The following CERT1 variants were observed in gnomAD, a reference collection of about 807,000 sequenced individuals.
CERT1 encodes ceramide transfer protein.
In CERT1, 31 loss-of-function variants were observed where a neutral mutation model predicts 87.9. The ratio of observed to expected loss-of-function variants is 0.35; its 90% CI spans 0.27 to 0.48. The LOEUF (loss-of-function observed/expected upper bound fraction) is 0.48. Among genes scored for constraint, CERT1 ranks in the 20% least tolerant of loss-of-function variants. The pLI, the probability that CERT1 is intolerant of heterozygous loss-of-function variation, is 0.99. For synonymous variants in CERT1, 289 were observed against 250.9 expected, an observed-to-expected ratio of 1.15 and a Z score of -1.44; for missense variants, 487 against 758.0, an observed-to-expected ratio of 0.64 and a Z score of 4.20.
chr5:75,389,769 G>T, intron 11 of CERT1, 82 bp from the exon 12 acceptor site: 1 of 1,047,578 alleles, frequency 9.5e-7, no homozygotes, highest in Non-Finnish European at 1.5e-6. Flanking sequence ...GTTAACTTCA[G>T]TTCAGAAATG....
intron 11 of CERT1, among the ~76,000 whole-genome samples, chr5:75,398,533 T>C (rs1935474719): frequency 6.6e-6 from 1 of 152,042 alleles, no homozygotes; most frequent in Non-Finnish European, 1.5e-5. Context: ...ATTAACATAA[T>C]ATAATCTAGT....
chr5:75,406,514 T>C (rs184570825), intron 8 of CERT1, among the ~76,000 whole-genome samples: 16 of 152,204 alleles, frequency 1.1e-4, no homozygotes, highest in African/African-American at 3.6e-4. Context: ...TCTCCAAGCC[T>C]AGTGTAGTGC....
intron 2 of CERT1, among the ~76,000 whole-genome samples, chr5:75,478,611 C>T (rs1015490908): frequency 5.3e-5 from 8 of 152,066 alleles, no homozygotes; most frequent in African/African-American, 1.9e-4. Context: ...AGACACCATC[C>T]CTAAAAATAA....
Position 75,379,133 on chromosome 5 carries a change from G to C in CERT1, c.*213C>G. On this transcript the variant is annotated 3_prime_UTR_variant, in exon 17 of 17. Transcript: ENST00000643780. ...AGAGGTTGAGGTTGCAGTGAGCCGT[G>C]ATGGTGTCATTGCACTTCAGCTTAG... 4.1e-6 allele frequency: 2 copies of C among 485,674 alleles called. No individual in the cohort carries two copies. Among genetic ancestry groups the C allele is most frequent in the South Asian group, 5.7e-5 (2 of 34,944 alleles). The allele number at this position is 485,674 out of a possible 1,614,324, so 30.1% of individuals were successfully genotyped here.
At chr5:75,391,259 C>T (rs1234552943) in intron 11 of CERT1, among the ~76,000 whole-genome samples, 1 of 152,174 alleles carries the variant, frequency 6.6e-6, no homozygotes, top group African/African-American at 2.4e-5. Context: ...ATATAATTTT[C>T]TATACCAAAG....
At chr5:75,451,879 A>G (rs1052249876) in intron 3 of CERT1, among the ~76,000 whole-genome samples, 6 of 152,194 alleles carry the variant, frequency 3.9e-5, no homozygotes, top group South Asian at 4.1e-4. Flanking sequence ...AGCATGGGGG[A>G]AATATTTCAT....
At chr5:75,497,093 T>A (rs1185997337) in intron 2 of CERT1, among the ~76,000 whole-genome samples, 1 of 152,122 alleles carries the variant, frequency 6.6e-6, no homozygotes, top group African/African-American at 2.4e-5. Flanking sequence ...GAGTTAACTA[T>A]TTTTTTAGGT....
intron 2 of CERT1, among the ~76,000 whole-genome samples, chr5:75,460,556 C>T (rs1765182098): frequency 1.3e-5 from 2 of 152,194 alleles, no homozygotes; most frequent in African/African-American, 2.4e-5. Flanking sequence ...GAATACATCA[C>T]ATTTACCACC....
At position 75,433,735 on chromosome 5, in the gene CERT1, T is replaced by G. The variant is rs367568476; in HGVS notation, c.349-7257A>C. 1.1e-4 allele frequency among the ~76,000 whole-genome samples: 16 copies of G among 152,272 alleles called. No homozygotes were observed. The East Asian group carries it at 1.9e-3, about 18-fold the overall frequency. On this transcript the variant is annotated intron_variant, in intron 3 of 16. Transcript: ENST00000643780. ...GGGGTCTCACTCTTTTTGCCCAGTC[T>G]AGTCTCCAACTCCTGGTCTCAAGTG...
rs530183860 is a variant in CERT1, at chr5:75,410,024, T to C, written c.930+987A>G. 4.6e-5 allele frequency among the ~76,000 whole-genome samples: 7 copies of C among 152,166 alleles called. No homozygotes were observed. In the South Asian group the frequency reaches 1.0e-3, roughly 23 times the overall value. On this transcript the variant is annotated intron_variant, in intron 8 of 16. Transcript: ENST00000643780. Reference sequence around the variant, plus strand: ...CTTGCTATGCTGTCCAGGTTGGTCTTGAACTCCTGGCCTCAAGCAATCCTC... The same window carrying C: ...CTTGCTATGCTGTCCAGGTTGGTCTCGAACTCCTGGCCTCAAGCAATCCTC...
Position 75,488,113 on chromosome 5 carries a change from A to G in CERT1, c.231+17869T>C, listed in dbSNP as rs75928002. ...AATAAGTACAAAAATATAGTTAGATAGAATTAATAAGAATCTAGTATTTGA... is the reference window on the plus strand; with the variant it reads ...AATAAGTACAAAAATATAGTTAGATGGAATTAATAAGAATCTAGTATTTGA... On this transcript the variant is annotated intron_variant, in intron 2 of 16. Coordinates refer to ENST00000643780, the MANE Select transcript of CERT1 (RefSeq NM_001379029.1). 3.1e-4 allele frequency among the ~76,000 whole-genome samples: 47 copies of G among 152,204 alleles called. No homozygotes were observed. The East Asian group carries it at 5.6e-3, about 18-fold the overall frequency.
At chr5:75,418,775 C>T (rs1266864359) in intron 6 of CERT1, among the ~76,000 whole-genome samples, 2 of 152,042 alleles carry the variant, frequency 1.3e-5, no homozygotes, top group African/African-American at 4.8e-5. Flanking sequence ...ATAGAAAATG[C>T]AAACTAATCT....
At chr5:75,402,726 G>C (rs995060514) in intron 9 of CERT1, 1 of 262,826 alleles carries the variant, frequency 3.8e-6, no homozygotes, top group Non-Finnish European at 7.4e-6. Flanking sequence ...CTTGAACCCA[G>C]GAGGTGGAAG....
chr5:75,497,191 T>C (rs995360139), intron 2 of CERT1, among the ~76,000 whole-genome samples: 1 of 152,134 alleles, frequency 6.6e-6, no homozygotes, highest in Non-Finnish European at 1.5e-5. Context: ...GTATCCCGGC[T>C]CTAGTGAGTC....
chr5:75,489,661 A>C (rs1766683805), intron 2 of CERT1, among the ~76,000 whole-genome samples: 1 of 152,248 alleles, frequency 6.6e-6, no homozygotes, highest in Non-Finnish European at 1.5e-5. Flanking sequence ...TCATTAGAGA[A>C]ATGCAAATCA....
At chr5:75,498,344 A>G (rs762583350) in intron 2 of CERT1, among the ~76,000 whole-genome samples, 31 of 152,220 alleles carry the variant, frequency 2.0e-4, no homozygotes, top group Non-Finnish European at 4.1e-4. Context: ...ACAATGGGGA[A>G]AATGTCTCCA....
At chr5:75,455,357 AAG>A (rs1281152536) in intron 3 of CERT1, among the ~76,000 whole-genome samples, 1 of 152,228 alleles carries the variant, frequency 6.6e-6, no homozygotes, top group Non-Finnish European at 1.5e-5. Flanking sequence ...AATGCTTTCC[AAG>A]AGTTTGTAGA....
rs183525557 is a variant in CERT1 at position 75,452,990 on chromosome 5, A to T, written c.348+6075T>A. Reference sequence around the variant, plus strand: ...TTTTCTATGTTATAAATTGAAATATAATTTTTGAATTTAAGAATGACCTCG... The same window carrying T: ...TTTTCTATGTTATAAATTGAAATATTATTTTTGAATTTAAGAATGACCTCG... On this transcript the variant is annotated intron_variant, in intron 3 of 16. Coordinates refer to ENST00000643780, the MANE Select transcript of CERT1 (RefSeq NM_001379029.1). Among the ~76,000 whole-genome samples, 42 of 152,278 alleles carry T rather than the reference A, an allele frequency of 2.8e-4. 2 individuals carry two copies. Among genetic ancestry groups the T allele is most frequent in the Admixed American group, 6.5e-4 (10 of 15,286 alleles).
intron 9 of CERT1, chr5:75,401,695 T>G (rs986089349): frequency 6.6e-6 from 1 of 152,176 alleles, no homozygotes. Flanking sequence ...GACATGAACT[T>G]TTTATCAGTA....
Sources: allele counts gnomAD v4.1 joint callset (sites outside exome capture counted in the v4.1 genomes callset), GRCh38; gene constraint gnomAD v4.1.1; transcripts MANE v1.5; gene names NCBI Gene and HGNC (gene_info 2026-07-23, HGNC 2026-07-21).